The following PTGER3 variants were observed in gnomAD, a reference collection of about 807,000 sequenced individuals.
The protein encoded by PTGER3 is prostaglandin E receptor 3.
PTGER3 carries 22 observed loss-of-function variants against 34.7 expected under a neutral mutation model. That is an observed-to-expected ratio of 0.63 (90% CI 0.45 to 0.91). The LOEUF (loss-of-function observed/expected upper bound fraction) is 0.91. PTGER3 is among the 40% of genes least tolerant of loss of function. The pLI, the probability that PTGER3 is intolerant of heterozygous loss-of-function variation, is 0.00. For synonymous variants in PTGER3, 241 were observed against 230.1 expected (o/e 1.05, Z -0.43); for missense variants, 468 against 519.4 (o/e 0.90, Z 0.96).
chr1:70,858,874 A>C (rs889270907), intron 4 of PTGER3, among the ~76,000 whole-genome samples: 6 of 152,210 alleles, frequency 3.9e-5, no homozygotes, highest in African/African-American at 1.4e-4. Flanking sequence ...TTATTGCAAA[A>C]TGCTATAGAA....
chr1:70,908,294 A>G (rs1378355299), intron 4 of PTGER3, among the ~76,000 whole-genome samples: 3 of 152,170 alleles, frequency 2.0e-5, no homozygotes, highest in Non-Finnish European at 4.4e-5. Context: ...AATCATCTAC[A>G]CAATCCCATT....
intron 4 of PTGER3, among the ~76,000 whole-genome samples, chr1:70,907,107 GTCAC>G (rs1646965957): frequency 6.6e-6 from 1 of 152,208 alleles, no homozygotes; most frequent in Non-Finnish European, 1.5e-5. Context: ...ATGACCAAAT[GTCAC>G]TCACCAAATG....
At chr1:71,016,189 C>A (rs1002345850) in intron 1 of PTGER3, among the ~76,000 whole-genome samples, 1 of 152,148 alleles carries the variant, frequency 6.6e-6, no homozygotes, top group African/African-American at 2.4e-5. Context: ...TGTGTAATTT[C>A]TTTCACAGGA....
intron 2 of PTGER3, among the ~76,000 whole-genome samples, chr1:70,977,285 G>A (rs934755326): frequency 5.3e-5 from 8 of 151,972 alleles, no homozygotes; most frequent in Non-Finnish European, 8.8e-5. Context: ...GCTCATTTGT[G>A]GATCCTGTGC....
intron 4 of PTGER3, among the ~76,000 whole-genome samples, chr1:70,862,674 C>T (rs955872297): frequency 6.6e-6 from 1 of 151,936 alleles, no homozygotes; most frequent in Non-Finnish European, 1.5e-5. Context: ...GTTTGAGGAA[C>T]AAAGCTTTTT....
intron 4 of PTGER3, among the ~76,000 whole-genome samples, chr1:70,856,809 C>T (rs1489237353): frequency 6.6e-6 from 1 of 152,176 alleles, no homozygotes; most frequent in Non-Finnish European, 1.5e-5. Context: ...AATGTCAAAA[C>T]TGGGAAACTG....
At chr1:70,996,575 C>T (rs1655963760) in intron 2 of PTGER3, among the ~76,000 whole-genome samples, 1 of 151,766 alleles carries the variant, frequency 6.6e-6, no homozygotes. Flanking sequence ...ATTCTCCTGC[C>T]TCAGCCTCCC....
At chr1:71,017,551 G>A (rs1008469752) in intron 1 of PTGER3, among the ~76,000 whole-genome samples, 1 of 152,096 alleles carries the variant, frequency 6.6e-6, no homozygotes, top group Admixed American at 6.5e-5. Context: ...AAGGGGCTTG[G>A]TGGGAGGTGA....
At chr1:71,012,923 AAAT>A (rs1327807662) in intron 1 of PTGER3, among the ~76,000 whole-genome samples, 25 of 37,724 alleles carry the variant, frequency 6.6e-4, no homozygotes, top group Non-Finnish European at 9.7e-4. Context: ...AGAAAGGAGG[AAAT>A]ATTATTATTA....
At chr1:70,875,438 G>A (rs1646252772) in intron 4 of PTGER3, among the ~76,000 whole-genome samples, 1 of 151,928 alleles carries the variant, frequency 6.6e-6, no homozygotes, top group African/African-American at 2.4e-5. Flanking sequence ...CTTGTTTTAG[G>A]AGAAGAATAC....
chr1:70,895,477 T>C (rs1354121648), intron 4 of PTGER3, among the ~76,000 whole-genome samples: 1 of 152,188 alleles, frequency 6.6e-6, no homozygotes, highest in Admixed American at 6.5e-5. Flanking sequence ...TACAAAATCA[T>C]TTACATAAAA....
chr1:70,933,179 A>T (rs985408938), intron 4 of PTGER3, among the ~76,000 whole-genome samples: 7 of 152,158 alleles, frequency 4.6e-5, no homozygotes, highest in Admixed American at 4.6e-4. Context: ...TAATTGCTTG[A>T]TTGAAGAGTG....
intron 2 of PTGER3, chr1:71,006,312 TG>T: frequency 3.0e-6 from 3 of 985,450 alleles, no homozygotes; most frequent in Non-Finnish European, 3.6e-6. Flanking sequence ...AGCTTGACTT[TG>T]CAGTCTACAT....
chr1:70,963,721 G>A (rs1391518877), intron 2 of PTGER3, among the ~76,000 whole-genome samples: 2 of 152,108 alleles, frequency 1.3e-5, no homozygotes, highest in East Asian at 3.9e-4. Flanking sequence ...TGCGATGGAG[G>A]GGCTACCAGG....
chr1:70,991,246 G>A (rs546087795), intron 2 of PTGER3, among the ~76,000 whole-genome samples: 1 of 152,282 alleles, frequency 6.6e-6, no homozygotes, highest in Non-Finnish European at 1.5e-5. Context: ...TGGAGAAAGA[G>A]GAGCTGGCCT....
chr1:70,935,696 T>TATATATA (rs1553165149), intron 4 of PTGER3, among the ~76,000 whole-genome samples: 2 of 148,384 alleles, frequency 1.3e-5, no homozygotes, highest in Non-Finnish European at 3.0e-5. Context: ...TATATATATG[T>TATATATA]TCTGCTTTCT....
At chr1:70,927,306 G>T (rs1223960803) in intron 4 of PTGER3, among the ~76,000 whole-genome samples, 1 of 152,086 alleles carries the variant, frequency 6.6e-6, no homozygotes, top group African/African-American at 2.4e-5. Flanking sequence ...GAATCCATCT[G>T]GTCCTGGACT....
In PTGER3 at chr1:70,953,117, T is replaced by C. The variant is rs572552573; in HGVS notation, c.1105-58A>G. The C allele has an allele frequency of 2.2e-4, 311 of 1,392,144 alleles. 1 individual carries two copies. The South Asian group carries it at 4.5e-3, about 20-fold the overall frequency. 86.2% of individuals were successfully genotyped at this position (1,392,144 alleles called of 1,614,324 possible). A position where few individuals can be genotyped will look rare whatever the true frequency, so the allele number is the denominator to read the frequency against. ...ATAATAAAAAATAACAATATGAAAA[T>C]AAAAATAATACAAATAAAAAGGTGA... On this transcript the variant is annotated intron_variant, in intron 3 of 3. Transcript: ENST00000356595.
intron 2 of PTGER3, among the ~76,000 whole-genome samples, chr1:70,981,519 C>T (rs986814643): frequency 1.3e-5 from 2 of 151,628 alleles, no homozygotes; most frequent in Non-Finnish European, 2.9e-5. Flanking sequence ...CTCAAGCCTC[C>T]CACCTCAGCC....
Sources: allele counts gnomAD v4.1 joint callset (sites outside exome capture counted in the v4.1 genomes callset), GRCh38; gene constraint gnomAD v4.1.1; transcripts MANE v1.5; gene names NCBI Gene and HGNC (gene_info 2026-07-23, HGNC 2026-07-21).